Variants in LGALSL observed in about 807,000 individuals in gnomAD.
LGALSL encodes galectin-related protein.
In LGALSL, 13 loss-of-function variants were observed where a neutral mutation model predicts 19.5. The observed-to-expected ratio is 0.67, with a 90% CI of 0.43 to 1.06. The LOEUF is 1.06. Among genes scored for constraint, LGALSL ranks in the 50% least tolerant of loss-of-function variants. The probability of loss-of-function intolerance (pLI) is 0.00; values close to 1 mark genes in which losing one functional copy is unlikely to be tolerated. For missense variants in LGALSL, 189 were observed against 219.3 expected (o/e 0.86, Z 0.87); for synonymous variants, 86 against 78.3 (o/e 1.10, Z -0.52).
At position 64,460,657 on chromosome 2, in the gene LGALSL, A is replaced by G. The variant is rs904913074; in HGVS notation, c.*2229A>G. On this transcript the variant is annotated 3_prime_UTR_variant, in exon 5 of 5. Transcript: ENST00000238875. The stretch of plus-strand genomic sequence containing the variant: ...TAGTGGGAACCGCTTGGATAAGCCT[A>G]TTGGGATTAATCTAAATGATGTGAT... The G allele has an allele frequency of 6.6e-6, 1 of 152,216 alleles. No homozygotes were observed. The highest frequency in any genetic ancestry group is 1.5e-5 in the Non-Finnish European group (1 of 68,038). The allele number at this position is 152,216 out of a possible 1,614,324, so 9.4% of individuals were successfully genotyped here.
At position 64,458,390 on chromosome 2, in the gene LGALSL, A is replaced by C; in HGVS notation, c.481A>C (p.Lys161Gln). 6.2e-7 allele frequency: 1 copy of C among 1,613,996 alleles called. No homozygotes were observed. ...IQTLSAIDTI[K>Q]INGDLQITKL... is the part of the protein sequence containing the mutation. ...AACGTTATCTGCAATTGACACCATA[A>C]AGATAAATGGAGACCTCCAGATCAC... is the stretch of plus-strand genomic sequence containing the variant. The change falls in exon 5 of 5, where the codon AAG becomes CAG. Residue 161 changes from lysine to glutamine, a missense_variant. Physicochemically the swap from Lys to Gln is moderately conservative, Grantham distance 53. Transcript: ENST00000238875.
chr2:64,458,061 T>G (rs1042700676), intron 4 of LGALSL, among the ~76,000 whole-genome samples: 6 of 152,182 alleles, frequency 3.9e-5, no homozygotes, highest in Admixed American at 2.0e-4. Flanking sequence ...TTATGGTAAA[T>G]TACTTGAGGA....
Position 64,454,298 on chromosome 2 carries a change from G to C in LGALSL, c.-248G>C. 2 of 394,746 alleles carry C rather than the reference G, an allele frequency of 5.1e-6. No individual in the cohort carries two copies. Among genetic ancestry groups the C allele is most frequent in the Non-Finnish European group, 8.9e-6 (2 of 223,596 alleles). The allele number at this position is 394,746 out of a possible 1,614,324, so 24.5% of individuals were successfully genotyped here. On this transcript the variant is annotated 5_prime_UTR_variant, in exon 1 of 5. Transcript: ENST00000238875. The surrounding 1 kb of genome is among the most constrained non-coding windows in gnomAD (Gnocchi z 5.1). ...AGCAGCCCCGTCGGCCCGGGTCCGG[G>C]GCCGTTCTGGGCCGCGGCAAGCACC...
At chr2:64,455,280 G>T (rs1170276752) in intron 1 of LGALSL, 64 bp from the exon 2 acceptor site, 2 of 1,054,190 alleles carry the variant, frequency 1.9e-6, no homozygotes, top group African/African-American at 1.6e-5. Context: ...ATCTGTGTGG[G>T]TTCTTCCTCC....
In LGALSL at chr2:64,460,830, G is replaced by T. The variant is rs921932628; in HGVS notation, c.*2402G>T. The T allele has an allele frequency of 2.0e-5, 3 of 152,090 alleles. No homozygotes were observed. Among genetic ancestry groups the T allele is most frequent in the Non-Finnish European group, 4.4e-5 (3 of 68,022 alleles). 9.4% of individuals were successfully genotyped at this position (152,090 alleles called of 1,614,324 possible). On this transcript the variant is annotated 3_prime_UTR_variant, in exon 5 of 5. Transcript: ENST00000238875. Reference sequence around the variant, plus strand: ...TAAAGCTTCCACAGGAAAGTATTCGGGTATGTAAGGTGTTATTTCTGACCA... The same window carrying T: ...TAAAGCTTCCACAGGAAAGTATTCGTGTATGTAAGGTGTTATTTCTGACCA...
chr2:64,458,398 T>C lies in LGALSL; in HGVS notation c.489T>C (p.Asn163=), dbSNP rs770747730. 2 of 1,613,860 alleles carry C rather than the reference T, an allele frequency of 1.2e-6. No homozygotes were observed. Among genetic ancestry groups the C allele is most frequent in the Non-Finnish European group, 1.7e-6 (2 of 1,179,866 alleles). The change falls in exon 5 of 5, where the codon AAT becomes AAC. Residue 163 remains asparagine (N), a synonymous_variant. Transcript: ENST00000238875. ...CTGCAATTGACACCATAAAGATAAATGGAGACCTCCAGATCACCAAGCTTG... is the reference window on the plus strand; with the variant it reads ...CTGCAATTGACACCATAAAGATAAACGGAGACCTCCAGATCACCAAGCTTG... ...TLSAIDTIKI[N]GDLQITKLG
rs1262433855 is a variant in LGALSL, at chr2:64,460,583, G to A, written c.*2155G>A. Reference sequence around the variant, plus strand: ...AACTCATTAGCAGCCAAGCCCTTAGGCAGCTTAGTGTGAAAATACAATGTT... The same window carrying A: ...AACTCATTAGCAGCCAAGCCCTTAGACAGCTTAGTGTGAAAATACAATGTT... On this transcript the variant is annotated 3_prime_UTR_variant, in exon 5 of 5. Coordinates refer to ENST00000238875, the MANE Select transcript of LGALSL (RefSeq NM_014181.3). The A allele has an allele frequency of 2.6e-5, 4 of 152,186 alleles. No individual in the cohort carries two copies. The highest frequency in any genetic ancestry group is 5.9e-5 in the Non-Finnish European group (4 of 68,038). The allele number at this position is 152,186 out of a possible 1,614,324, so 9.4% of individuals were successfully genotyped here.
chr2:64,454,834 G>T lies in LGALSL; in HGVS notation c.36+253G>T, dbSNP rs1340772057. 1.3e-5 allele frequency among the ~76,000 whole-genome samples: 2 copies of T among 151,628 alleles called. No homozygotes were observed. The highest frequency in any genetic ancestry group is 2.9e-5 in the Non-Finnish European group (2 of 67,828). On this transcript the variant is annotated intron_variant, in intron 1 of 4. Coordinates refer to ENST00000238875, the MANE Select transcript of LGALSL (RefSeq NM_014181.3). The surrounding 1 kb of genome is among the most constrained non-coding windows in gnomAD (Gnocchi z 5.1). Reference sequence around the variant, plus strand: ...GGATGGCGGGTAGGGACGCCCGACAGCCCCCTCTGTGCCGTGCAACCGCCA... The same window carrying T: ...GGATGGCGGGTAGGGACGCCCGACATCCCCCTCTGTGCCGTGCAACCGCCA...
chr2:64,457,864 C>T (rs1686761199), intron 4 of LGALSL, among the ~76,000 whole-genome samples: 1 of 152,152 alleles, frequency 6.6e-6, no homozygotes, highest in Non-Finnish European at 1.5e-5. Context: ...TGAGTAACCA[C>T]AGCTTCTGAC....
chr2:64,456,375 G>A lies in LGALSL; in HGVS notation c.285G>A (p.Gln95=). 1 of 1,612,252 alleles carries A rather than the reference G, an allele frequency of 6.2e-7. No individual in the cohort carries two copies. Among genetic ancestry groups the A allele is most frequent in the Non-Finnish European group, 8.5e-7 (1 of 1,179,266 alleles). Residue 95 remains glutamine (Q), a synonymous_variant, in exon 4 of 5, where the codon CAG becomes CAA. Coordinates refer to ENST00000238875, the MANE Select transcript of LGALSL (RefSeq NM_014181.3). ...TCAAAGCTGTGTTCACAGATCGGCA[G>A]CTACTCAGAAATTCTTGTATATCTG... is the stretch of plus-strand genomic sequence containing the variant. ...IELKAVFTDR[Q]LLRNSCISGE... is the part of the protein sequence containing the mutation.
At chr2:64,456,553 C>A in intron 4 of LGALSL, 88 bp downstream of exon 4, 2 of 1,087,976 alleles carry the variant, frequency 1.8e-6, no homozygotes, top group Non-Finnish European at 2.5e-6. Context: ...CTTGAAGCAG[C>A]CAGAATTTCT....
chr2:64,458,578 A>G lies in LGALSL; in HGVS notation c.*150A>G, dbSNP rs1686772322. On this transcript the variant is annotated 3_prime_UTR_variant, in exon 5 of 5. Coordinates refer to ENST00000238875, the MANE Select transcript of LGALSL (RefSeq NM_014181.3). ...TAAGGGTGGTTTGCCCTTAAGAAGAAAGCTGTTGGGACAAAGACACCGAGC... is the reference window on the plus strand; with the variant it reads ...TAAGGGTGGTTTGCCCTTAAGAAGAGAGCTGTTGGGACAAAGACACCGAGC... The G allele has an allele frequency of 1.4e-6, 1 of 707,072 alleles. No homozygotes were observed. The allele number at this position is 707,072 out of a possible 1,614,324, so 43.8% of individuals were successfully genotyped here. A position where few individuals can be genotyped will look rare whatever the true frequency, so the allele number is the denominator to read the frequency against.
intron 2 of LGALSL, 73 bp from the exon 3 acceptor site, chr2:64,455,516 C>G (rs940512567): frequency 1.9e-5 from 29 of 1,488,756 alleles, no homozygotes; most frequent in African/African-American, 6.9e-5. Flanking sequence ...GTGGGTCAGG[C>G]CTTCAGGGTC....
chr2:64,455,524 G>T, intron 2 of LGALSL, 65 bp from the exon 3 acceptor site: 1 of 1,510,986 alleles, frequency 6.6e-7, no homozygotes, highest in Admixed American at 1.7e-5. Flanking sequence ...GGCCTTCAGG[G>T]TCTGAGGTCT....
At chr2:64,456,075 G>A (rs867501847) in intron 3 of LGALSL, among the ~76,000 whole-genome samples, 51 of 152,082 alleles carry the variant, frequency 3.4e-4, no homozygotes, top group South Asian at 1.2e-3. Context: ...TCTAATTTTA[G>A]TCATTTTCAA....
rs1421553511 is a variant in LGALSL at position 64,461,222 on chromosome 2, A to G, written c.*2794A>G. ...TTGCCTTGAGATAAACGGCCTTGGC[A>G]TTTTCTGGCATTAATGTAGAAATAA... On this transcript the variant is annotated 3_prime_UTR_variant, in exon 5 of 5. Transcript: ENST00000238875. 6.6e-6 allele frequency: 1 copy of G among 152,204 alleles called. No individual in the cohort carries two copies. Among genetic ancestry groups the G allele is most frequent in the Admixed American group, 6.5e-5 (1 of 15,282 alleles). 9.4% of individuals were successfully genotyped at this position (152,204 alleles called of 1,614,324 possible).
At position 64,458,471 on chromosome 2, in the gene LGALSL, A is replaced by C. The variant is rs200087020; in HGVS notation, c.*43A>C. The C allele has an allele frequency of 5.6e-5, 88 of 1,578,680 alleles. No individual in the cohort carries two copies. Among genetic ancestry groups the C allele is most frequent in the Non-Finnish European group, 7.1e-5 (82 of 1,155,626 alleles). ...TCAAATAGGATCACGTGCCACAACT[A>C]TCTGACTGTTGGTCTGGAAGAAGTG... On this transcript the variant is annotated 3_prime_UTR_variant, in exon 5 of 5. Coordinates refer to ENST00000238875, the MANE Select transcript of LGALSL (RefSeq NM_014181.3).
Position 64,454,450 on chromosome 2 carries a change from T to C in LGALSL, c.-96T>C, listed in dbSNP as rs1362211161. On this transcript the variant is annotated 5_prime_UTR_variant, in exon 1 of 5. Transcript: ENST00000238875. The surrounding 1 kb of genome is among the most constrained non-coding windows in gnomAD (Gnocchi z 5.1). ...GTGTGTGCGCGCGCCCGCCGCCAGCTCGGACCCGCGCCCCCGCCCCCGCCC... is the reference window on the plus strand; with the variant it reads ...GTGTGTGCGCGCGCCCGCCGCCAGCCCGGACCCGCGCCCCCGCCCCCGCCC... 3.1e-5 allele frequency: 18 copies of C among 587,318 alleles called. No individual in the cohort carries two copies. In the East Asian group the frequency reaches 9.3e-4, roughly 31 times the overall value. 36.4% of individuals were successfully genotyped at this position (587,318 alleles called of 1,614,324 possible).
rs1170846789 is a variant in LGALSL at position 64,454,314 on chromosome 2, G to A, written c.-232G>A. 1 of 394,232 alleles carries A rather than the reference G, an allele frequency of 2.5e-6. No individual in the cohort carries two copies. Among genetic ancestry groups the A allele is most frequent in the Non-Finnish European group, 4.5e-6 (1 of 223,334 alleles). The allele number at this position is 394,232 out of a possible 1,614,324, so 24.4% of individuals were successfully genotyped here. Reference sequence around the variant, plus strand: ...CGGGTCCGGGGCCGTTCTGGGCCGCGGCAAGCACCTTCGCCCTCCCAGCTC... The same window carrying A: ...CGGGTCCGGGGCCGTTCTGGGCCGCAGCAAGCACCTTCGCCCTCCCAGCTC... On this transcript the variant is annotated 5_prime_UTR_variant, in exon 1 of 5. Transcript: ENST00000238875. The surrounding 1 kb of genome is among the most constrained non-coding windows in gnomAD (Gnocchi z 5.1).
Sources: allele counts gnomAD v4.1 joint callset (sites outside exome capture counted in the v4.1 genomes callset), GRCh38; gene constraint gnomAD v4.1.1; non-coding constraint Gnocchi (gnomAD v3.1); transcripts MANE v1.5; gene names NCBI Gene and HGNC (gene_info 2026-07-23, HGNC 2026-07-21).